The following PCDH1 variants were observed in gnomAD, a reference collection of about 807,000 sequenced individuals.
PCDH1 encodes protocadherin 1, also known as protocadherin-1.
Under a neutral mutation model 74.6 loss-of-function variants are expected in PCDH1, and 23 were observed. That is an observed-to-expected ratio of 0.31 (90% CI 0.22 to 0.44). The LOEUF is 0.44. Ranked by LOEUF, PCDH1 falls within the 20% of genes least tolerant of loss-of-function variation. PCDH1 has a pLI of 1.00. For missense variants in PCDH1, 1,214 were observed against 1,641.4 expected (o/e 0.74, Z 4.50); for synonymous variants, 647 against 686.1 (o/e 0.94, Z 0.89).
In PCDH1 at chr5:141,865,985, CAG is replaced by C. The variant is rs1752810815; in HGVS notation, c.904-560_904-559del. ...TGTGTTTGTATGTGTATGATTGTGT[CAG>C]AATGTGTGATTATGTGTGATTTTTG... On this transcript the variant is annotated intron_variant, in intron 2 of 4. Transcript: ENST00000287008. This position sits in a 1 kb window ranked among gnomAD's most constrained non-coding sequence, Gnocchi z 4.4. 1 of 907,942 alleles carries C rather than the reference CAG, an allele frequency of 1.1e-6. No individual in the cohort carries two copies. Among genetic ancestry groups the C allele is most frequent in the Non-Finnish European group, 1.3e-6 (1 of 756,414 alleles). 56.2% of individuals were successfully genotyped at this position (907,942 alleles called of 1,614,324 possible).
intron 1 of PCDH1, among the ~76,000 whole-genome samples, chr5:141,872,164 C>T (rs1250145664): frequency 7.4e-6 from 1 of 135,220 alleles, no homozygotes; most frequent in Non-Finnish European, 1.5e-5. Context: ...TGGCACAAGG[C>T]TCATCTGACT....
chr5:141,868,497 C>T lies in PCDH1; in HGVS notation c.903+72G>A, dbSNP rs761913222. 6 of 1,508,464 alleles carry T rather than the reference C, an allele frequency of 4.0e-6. No homozygotes were observed. In the East Asian group the frequency reaches 1.4e-4, roughly 35 times the overall value. The allele number at this position is 1,508,464 out of a possible 1,614,324, so 93.4% of individuals were successfully genotyped here. A position where few individuals can be genotyped will look rare whatever the true frequency, so the allele number is the denominator to read the frequency against. On this transcript the variant is annotated intron_variant, in intron 2 of 4. Transcript: ENST00000287008. This position sits in a 1 kb window ranked among gnomAD's most constrained non-coding sequence, Gnocchi z 4.8. ...GTTTTTCCCCTAAGTGAAGGGAACT[C>T]TCACCTGGTTGGGTGGGCTCCCATT...
At position 141,862,019 on chromosome 5, in the gene PCDH1, G is replaced by C. The variant is rs1216185410; in HGVS notation, c.3099+1213C>G. Among the ~76,000 whole-genome samples, 3 of 152,214 alleles carry C rather than the reference G, an allele frequency of 2.0e-5. No individual in the cohort carries two copies. In the East Asian group the frequency reaches 5.8e-4, roughly 30 times the overall value. On this transcript the variant is annotated intron_variant, in intron 3 of 4. Coordinates refer to ENST00000287008, the MANE Select transcript of PCDH1 (RefSeq NM_032420.5). ...GGGGTGCAGGGCAGGTCAATGCAAA[G>C]AACTTAGGAATTCGCCATGTCTCCC...
In PCDH1 at chr5:141,869,870, G is replaced by A. The variant is rs1057277089; in HGVS notation, c.41-439C>T. On this transcript the variant is annotated intron_variant, in intron 1 of 4. Coordinates refer to ENST00000287008, the MANE Select transcript of PCDH1 (RefSeq NM_032420.5). The surrounding 1 kb of genome is among the most constrained non-coding windows in gnomAD (Gnocchi z 4.9). Reference sequence around the variant, plus strand: ...AGATAGGGAGAGAGAGCCAGTGGAAGGGTGAGACCTCGAGCATCCCCAACT... The same window carrying A: ...AGATAGGGAGAGAGAGCCAGTGGAAAGGTGAGACCTCGAGCATCCCCAACT... The A allele has an allele frequency of 1.1e-5, 10 of 916,766 alleles. No individual in the cohort carries two copies. In the African/African-American group the frequency reaches 1.6e-4, roughly 15 times the overall value. 56.8% of individuals were successfully genotyped at this position (916,766 alleles called of 1,614,324 possible).
chr5:141,873,375 T>G (rs1170450013), intron 1 of PCDH1, among the ~76,000 whole-genome samples: 1 of 150,250 alleles, frequency 6.7e-6, no homozygotes, highest in Non-Finnish European at 1.5e-5. Context: ...CCTGACCTCA[T>G]GATCTGCCCG....
chr5:141,874,431 C>T (rs915417325), intron 1 of PCDH1, among the ~76,000 whole-genome samples: 5 of 152,226 alleles, frequency 3.3e-5, no homozygotes, highest in African/African-American at 9.6e-5. Context: ...TGCCCTACCT[C>T]CCCCCAGTGA....
chr5:141,857,735 C>T (rs2126806015), intron 3 of PCDH1, among the ~76,000 whole-genome samples: 1 of 152,284 alleles, frequency 6.6e-6, no homozygotes, highest in Non-Finnish European at 1.5e-5. Flanking sequence ...GTTATTATAG[C>T]CCCTATGCTA....
Position 141,868,434 on chromosome 5 carries a change from A to C in PCDH1, c.903+135T>G. 2 of 1,425,586 alleles carry C rather than the reference A, an allele frequency of 1.4e-6. No individual in the cohort carries two copies. Among genetic ancestry groups the C allele is most frequent in the Non-Finnish European group, 9.2e-7 (1 of 1,092,826 alleles). The allele number at this position is 1,425,586 out of a possible 1,614,324, so 88.3% of individuals were successfully genotyped here. On this transcript the variant is annotated intron_variant, in intron 2 of 4. Transcript: ENST00000287008. This position sits in a 1 kb window ranked among gnomAD's most constrained non-coding sequence, Gnocchi z 4.8. The stretch of plus-strand genomic sequence containing the variant: ...GGGGTGGGAAAGACTCCCCTGGCTG[A>C]GTTTGGGGAGAAGGGGTCTCACTAC...
chr5:141,876,728 G>A (rs1356329264), intron 1 of PCDH1, among the ~76,000 whole-genome samples: 1 of 152,098 alleles, frequency 6.6e-6, no homozygotes, highest in Non-Finnish European at 1.5e-5. Context: ...GGCCTACAGC[G>A]GGGACCAGGC....
At chr5:141,876,974 G>C (rs574584709) in intron 1 of PCDH1, among the ~76,000 whole-genome samples, 1 of 152,270 alleles carries the variant, frequency 6.6e-6, no homozygotes, top group South Asian at 2.1e-4. Context: ...ACACCAGCCG[G>C]TTCGGCCCGG....
Position 141,864,766 on chromosome 5 carries a change from C to T in PCDH1, c.1565G>A (p.Gly522Asp), listed in dbSNP as rs370013653. ...EVAFPENNKP[G>D]EVIAEITASD... is the part of the protein sequence containing the mutation. Reference sequence around the variant, plus strand: ...GGCAGTGATCTCAGCAATCACTTCACCAGGCTTGTTGTTTTCCGGGAAGGC... The same window carrying T: ...GGCAGTGATCTCAGCAATCACTTCATCAGGCTTGTTGTTTTCCGGGAAGGC... Residue 522 changes from glycine to aspartate, a missense_variant, in exon 3 of 5, where the codon GGT becomes GAT. Gly to Asp is a moderately conservative substitution (Grantham distance 94). This residue lies in a region of PCDH1 where 836 missense variants were observed against 1,182.2 expected (regional missense o/e 0.71). Coordinates refer to ENST00000287008, the MANE Select transcript of PCDH1 (RefSeq NM_032420.5). This position sits in a 1 kb window ranked among gnomAD's most constrained non-coding sequence, Gnocchi z 5.9. 9 of 1,614,004 alleles carry T rather than the reference C, an allele frequency of 5.6e-6. No homozygotes were observed. Among genetic ancestry groups the T allele is most frequent in the Admixed American group, 3.3e-5 (2 of 59,994 alleles).
rs1359055412 is a variant in PCDH1, at chr5:141,878,169, A to G, written c.40+54T>C. 16 of 1,416,718 alleles carry G rather than the reference A, an allele frequency of 1.1e-5. No individual in the cohort carries two copies. Among genetic ancestry groups the G allele is most frequent in the Non-Finnish European group, 1.5e-5 (16 of 1,083,700 alleles). The allele number at this position is 1,416,718 out of a possible 1,614,324, so 87.8% of individuals were successfully genotyped here. ...GCCCCTCCCTCAGCTCCCGCCGGCCATGACCGCTTCGGGCCCCAAGCCGCT... is the reference window on the plus strand; with the variant it reads ...GCCCCTCCCTCAGCTCCCGCCGGCCGTGACCGCTTCGGGCCCCAAGCCGCT... On this transcript the variant is annotated intron_variant, in intron 1 of 4. Transcript: ENST00000287008. This position sits in a 1 kb window ranked among gnomAD's most constrained non-coding sequence, Gnocchi z 5.5.
At chr5:141,876,899 C>T (rs897001514) in intron 1 of PCDH1, among the ~76,000 whole-genome samples, 3 of 152,184 alleles carry the variant, frequency 2.0e-5, no homozygotes, top group African/African-American at 7.2e-5. Context: ...TACAAAGGAA[C>T]CTGGGGCCCC....
At chr5:141,857,092 T>C (rs1752377249) in intron 4 of PCDH1, among the ~76,000 whole-genome samples, 160 bp downstream of exon 4, 1 of 152,174 alleles carries the variant, frequency 6.6e-6, no homozygotes, top group African/African-American at 2.4e-5. Context: ...CACAGAGTGG[T>C]TCTGGGGATT....
rs776485009 is a variant in PCDH1 at position 141,865,300 on chromosome 5, G to A, written c.1031C>T (p.Pro344Leu). The A allele has an allele frequency of 9.9e-6, 16 of 1,614,032 alleles. No homozygotes were observed. The highest frequency in any genetic ancestry group is 5.3e-5 in the African/African-American group (4 of 74,880). ...RNTGLITVQG[P>L]VDREDLSTLR... ...GGTGCTTAGGTCCTCACGGTCCACC[G>A]GGCCCTGAACAGTGATAAGTCCAGT... The change falls in exon 3 of 5, where the codon CCG becomes CTG. Residue 344 changes from proline to leucine, a missense_variant. By Grantham distance (98) the Pro-to-Leu change is moderately conservative. Around this residue, in one of 4 missense-constraint regions of PCDH1, gnomAD observed 836 missense variants for 1,182.2 expected, o/e 0.71. Coordinates refer to ENST00000287008, the MANE Select transcript of PCDH1 (RefSeq NM_032420.5). The surrounding 1 kb of genome is among the most constrained non-coding windows in gnomAD (Gnocchi z 4.4).
Position 141,869,629 on chromosome 5 carries a change from T to C in PCDH1, c.41-198A>G, listed in dbSNP as rs1413704467. On this transcript the variant is annotated intron_variant, in intron 1 of 4. Coordinates refer to ENST00000287008, the MANE Select transcript of PCDH1 (RefSeq NM_032420.5). The surrounding 1 kb of genome is among the most constrained non-coding windows in gnomAD (Gnocchi z 4.9). ...TCCACAGCTGGGTGTAGCAGCAGTG[T>C]CTGCCCCAGCTGGAGGAGCCAGTAA... 14 of 1,534,284 alleles carry C rather than the reference T, an allele frequency of 9.1e-6. No homozygotes were observed. The South Asian group carries it at 1.3e-4, about 14-fold the overall frequency.
rs985301429 is a variant in PCDH1, at chr5:141,854,287, G to A, written c.3469C>T (p.Pro1157Ser). 1 of 1,613,734 alleles carries A rather than the reference G, an allele frequency of 6.2e-7. No homozygotes were observed. Among genetic ancestry groups the A allele is most frequent in the Non-Finnish European group, 8.5e-7 (1 of 1,179,922 alleles). The stretch of plus-strand genomic sequence containing the variant: ...TCCTGCCCTCCTCGGTCCTGGTAAG[G>A]CACGAAGGTGGAGAGTTTGAGGGCG... ...SSALKLSTFV[P>S]YQDRGGQEPA... The change falls in exon 5 of 5, where the codon CCT (proline) becomes TCT (serine). Residue 1157 changes from proline to serine, a missense_variant. Pro to Ser is a moderately conservative substitution (Grantham distance 74). Coordinates refer to ENST00000287008, the MANE Select transcript of PCDH1 (RefSeq NM_032420.5).
Position 141,868,384 on chromosome 5 carries a change from G to A in PCDH1, c.903+185C>T, listed in dbSNP as rs777636544. 4.4e-5 allele frequency: 60 copies of A among 1,370,680 alleles called. No individual in the cohort carries two copies. The highest frequency in any genetic ancestry group is 5.3e-5 in the Non-Finnish European group (57 of 1,068,002). The allele number at this position is 1,370,680 out of a possible 1,614,324, so 84.9% of individuals were successfully genotyped here. On this transcript the variant is annotated intron_variant, in intron 2 of 4. Coordinates refer to ENST00000287008, the MANE Select transcript of PCDH1 (RefSeq NM_032420.5). The surrounding 1 kb of genome is among the most constrained non-coding windows in gnomAD (Gnocchi z 4.8). The stretch of plus-strand genomic sequence containing the variant: ...ACTGTCACCTAAGTAGCCTGATAGA[G>A]GAAAGTAATATCACCTGCTGGGGTG...
intron 3 of PCDH1, among the ~76,000 whole-genome samples, chr5:141,857,751 A>G (rs919258447): frequency 1.2e-4 from 18 of 152,300 alleles, no homozygotes; most frequent in African/African-American, 4.1e-4. Context: ...TGCTACCCCA[A>G]TAACCCTCAT....
Sources: allele counts gnomAD v4.1 joint callset (sites outside exome capture counted in the v4.1 genomes callset), GRCh38; gene constraint gnomAD v4.1.1; regional missense constraint gnomAD v4.1.1; non-coding constraint Gnocchi (gnomAD v3.1); transcripts MANE v1.5; gene names NCBI Gene and HGNC (gene_info 2026-07-23, HGNC 2026-07-21).